Variants in PSMD1 observed in about 807,000 individuals in gnomAD.
PSMD1 encodes the protein proteasome 26S subunit, non-ATPase 1, also known as 26S proteasome non-ATPase regulatory subunit 1.
A neutral mutation model predicts 119.0 loss-of-function variants in PSMD1; 18 were observed. That is an observed-to-expected ratio of 0.15 (90% CI 0.10 to 0.22). The LOEUF (loss-of-function observed/expected upper bound fraction) is 0.22, where lower values mean the gene tolerates loss of function less well. Ranked by LOEUF, PSMD1 falls within the 10% of genes least tolerant of loss-of-function variation. The probability of loss-of-function intolerance (pLI) is 1.00; values close to 1 mark genes in which losing one functional copy is unlikely to be tolerated. For missense variants in PSMD1, 702 were observed against 1,158.5 expected, an observed-to-expected ratio of 0.61 and a Z score of 5.72; for synonymous variants, 374 against 396.6, an observed-to-expected ratio of 0.94 and a Z score of 0.68.
At chr2:231,114,704 A>T (rs1386399031) in intron 16 of PSMD1, among the ~76,000 whole-genome samples, 1 of 152,230 alleles carries the variant, frequency 6.6e-6, no homozygotes, top group Non-Finnish European at 1.5e-5. Context: ...AGTCTTAAGC[A>T]CTTTAGAAAT....
At chr2:231,074,355 C>T (rs1238556777) in intron 7 of PSMD1, among the ~76,000 whole-genome samples, 1 of 152,132 alleles carries the variant, frequency 6.6e-6, no homozygotes, top group Non-Finnish European at 1.5e-5. Context: ...ATCCGCTTGC[C>T]TCAGCCTCCC....
intron 16 of PSMD1, among the ~76,000 whole-genome samples, chr2:231,110,261 A>G (rs1329902802): frequency 6.6e-6 from 1 of 151,820 alleles, no homozygotes; most frequent in Non-Finnish European, 1.5e-5. Context: ...CCGAGGTTGC[A>G]GTGAGCCGAG....
chr2:231,080,095 TCTTA>T, intron 11 of PSMD1, 42 bp from the exon 12 acceptor site: 2 of 1,515,146 alleles, frequency 1.3e-6, no homozygotes, highest in Non-Finnish European at 1.8e-6. Context: ...TCTTTTTTCT[TCTTA>T]CTTTCTCTTT....
At chr2:231,137,084 TTATA>T (rs1212601109) in intron 16 of PSMD1, among the ~76,000 whole-genome samples, 1 of 145,928 alleles carries the variant, frequency 6.9e-6, no homozygotes, top group African/African-American at 2.5e-5. Flanking sequence ...TAATATATAT[TTATA>T]TATTATATTT....
chr2:231,082,556 T>G (rs1418005215), intron 12 of PSMD1, among the ~76,000 whole-genome samples: 1 of 151,960 alleles, frequency 6.6e-6, no homozygotes, highest in African/African-American at 2.4e-5. Flanking sequence ...AATACAAAAA[T>G]TAGGCAGGCG....
intron 21 of PSMD1, among the ~76,000 whole-genome samples, chr2:231,164,189 C>T (rs1399335579): frequency 6.6e-6 from 1 of 152,078 alleles, no homozygotes; most frequent in East Asian, 1.9e-4. Context: ...CACAAGTGAG[C>T]CTGGAATTGA....
At chr2:231,161,531 T>C in intron 20 of PSMD1, 22 bp downstream of exon 20, 1 of 1,593,254 alleles carries the variant, frequency 6.3e-7, no homozygotes, top group South Asian at 1.1e-5. Flanking sequence ...AGACCTCAGC[T>C]TTGTAGTATT....
chr2:231,139,304 T>A (rs1157538807), intron 17 of PSMD1, among the ~76,000 whole-genome samples: 1 of 141,998 alleles, frequency 7.0e-6, no homozygotes, highest in Non-Finnish European at 1.5e-5. Context: ...GCACCAGGCT[T>A]TTTTTCTTTC....
intron 16 of PSMD1, chr2:231,124,063 T>TTCTC (rs539375848): frequency 3.2e-6 from 1 of 312,120 alleles, no homozygotes; most frequent in Admixed American, 4.4e-5. Context: ...TATTTTTAGT[T>TTCTC]TCTCTCTCTC....
At chr2:231,085,742 A>G (rs1350010153) in intron 15 of PSMD1, among the ~76,000 whole-genome samples, 1 of 145,958 alleles carries the variant, frequency 6.9e-6, no homozygotes, top group Non-Finnish European at 1.5e-5. Flanking sequence ...AAGGCTTTCC[A>G]CTCATAGTTC....
intron 16 of PSMD1, among the ~76,000 whole-genome samples, chr2:231,094,413 G>A (rs1213180887): frequency 6.6e-6 from 1 of 152,166 alleles, no homozygotes; most frequent in East Asian, 1.9e-4. Context: ...GAAATAGGAT[G>A]TGTACGTTGA....
At chr2:231,132,586 A>G (rs1443364940) in intron 16 of PSMD1, among the ~76,000 whole-genome samples, 1 of 152,094 alleles carries the variant, frequency 6.6e-6, no homozygotes, top group Non-Finnish European at 1.5e-5. Context: ...GTAGTATGGT[A>G]TTTTCCTCTA....
intron 16 of PSMD1, chr2:231,108,469 A>G (rs1332165057): frequency 7.3e-7 from 1 of 1,368,726 alleles, no homozygotes; most frequent in Non-Finnish European, 1.0e-6. Context: ...TTTACATCTC[A>G]TTCATCATCT....
At chr2:231,108,575 G>GT in intron 16 of PSMD1, 1 of 1,613,798 alleles carries the variant, frequency 6.2e-7, no homozygotes. Flanking sequence ...GAGGAGAAGC[G>GT]TATCTAGTAG....
intron 16 of PSMD1, among the ~76,000 whole-genome samples, chr2:231,137,063 A>T (rs558644813): frequency 1.1e-3 from 163 of 144,808 alleles, no homozygotes; most frequent in African/African-American, 3.6e-3. Flanking sequence ...AAATATATAT[A>T]TTTTTATGTA....
At chr2:231,075,266 T>C (rs1694133479) in intron 7 of PSMD1, among the ~76,000 whole-genome samples, 2 of 152,230 alleles carry the variant, frequency 1.3e-5, no homozygotes, top group South Asian at 4.1e-4. Context: ...TTTTGTCGCC[T>C]GTTCTTGTTG....
chr2:231,089,773 G>T (rs563267901), intron 16 of PSMD1, among the ~76,000 whole-genome samples: 2 of 152,248 alleles, frequency 1.3e-5, no homozygotes, highest in East Asian at 3.9e-4. Context: ...AAGGATGTAG[G>T]CTGGAGGCTA....
intron 16 of PSMD1, among the ~76,000 whole-genome samples, chr2:231,124,749 A>G (rs946970047): frequency 1.3e-5 from 2 of 152,108 alleles, no homozygotes; most frequent in African/African-American, 4.8e-5. Flanking sequence ...TAACCTTCCC[A>G]GTTGCCTTGA....
At chr2:231,123,630 C>A (rs1358683268) in intron 16 of PSMD1, 1 of 1,614,018 alleles carries the variant, frequency 6.2e-7, no homozygotes, top group East Asian at 2.2e-5. Flanking sequence ...CCTCAACAAT[C>A]TGTTTCATTT....
Sources: gnomAD v4.1 joint callset for allele counts (sites outside exome capture counted in the v4.1 genomes callset) on GRCh38, gnomAD v4.1.1 for gene constraint, MANE v1.5 for transcripts, NCBI Gene and HGNC (gene_info 2026-07-23, HGNC 2026-07-21) for gene names.